SASH1: variants seen among roughly 807,000 people sequenced by gnomAD.
SASH1 encodes SAM and SH3 domain-containing protein 1.
Under a neutral mutation model 125.2 loss-of-function variants are expected in SASH1, and 44 were observed. The observed-to-expected ratio is 0.35, with a 90% CI of 0.28 to 0.45. The LOEUF (loss-of-function observed/expected upper bound fraction) is 0.45, where lower values mean the gene tolerates loss of function less well. Among genes scored for constraint, SASH1 ranks in the 20% least tolerant of loss-of-function variants. The pLI, the probability that SASH1 is intolerant of heterozygous loss-of-function variation, is 1.00. For synonymous variants in SASH1, 639 were observed against 649.1 expected, an observed-to-expected ratio of 0.98 and a Z score of 0.24; for missense variants, 1,426 against 1,614.5, an observed-to-expected ratio of 0.88 and a Z score of 2.00.
chr6:148,269,741 A>T (rs1449025930), upstream of SASH1, among the ~76,000 whole-genome samples: 1 of 152,198 alleles, frequency 6.6e-6, no homozygotes, highest in East Asian at 1.9e-4. Context: ...TATTCAGTAT[A>T]TGAATCTGAG....
At chr6:148,211,726 G>C in the SASH1 span, among the ~76,000 whole-genome samples, 2 of 152,306 alleles carry the variant, frequency 1.3e-5, no homozygotes, top group African/African-American at 4.8e-5. Context: ...TGAAGCCCCT[G>C]TGTGTCTCAT....
chr6:148,544,739 G>T lies in SASH1; in HGVS notation c.3269G>T (p.Gly1090Val), dbSNP rs1274917065. 6.2e-7 allele frequency: 1 copy of T among 1,608,280 alleles called. No individual in the cohort carries two copies. Among genetic ancestry groups the T allele is most frequent in the Non-Finnish European group, 8.5e-7 (1 of 1,177,158 alleles). Reference sequence around the variant, plus strand: ...ACCAGGAAGGTCTCCTGTGCCCGGGGAGTGGATCTAGAAACGCTCACTGAA... The same window carrying T: ...ACCAGGAAGGTCTCCTGTGCCCGGGTAGTGGATCTAGAAACGCTCACTGAA... Reference protein sequence around the residue: ...ALTRKVSCARGVDLETLTENK... With the variant: ...ALTRKVSCARVVDLETLTENK... The change falls in exon 18 of 20, where the codon GGA becomes GTA. Residue 1090 changes from glycine (G) to valine (V), a missense_variant. Physicochemically the swap from Gly to Val is moderately radical, Grantham distance 109. Around this residue, in one of 3 missense-constraint regions of SASH1, gnomAD observed 634 missense variants for 694.4 expected, o/e 0.91. Transcript: ENST00000367467. The surrounding 1 kb of genome is among the most constrained non-coding windows in gnomAD (Gnocchi z 6.4).
At chr6:148,402,221 T>G (rs1368583461) in intron 2 of SASH1, among the ~76,000 whole-genome samples, 1 of 152,212 alleles carries the variant, frequency 6.6e-6, no homozygotes, top group Non-Finnish European at 1.5e-5. Flanking sequence ...CCTTGCTACC[T>G]AAAGTACTGC....
At chr6:148,215,327 T>C in the SASH1 span, among the ~76,000 whole-genome samples, 1 of 152,344 alleles carries the variant, frequency 6.6e-6, no homozygotes, top group African/African-American at 2.4e-5. Context: ...CTTTCTTAGT[T>C]TGGCCAAAGT....
intron 13 of SASH1, 39 bp downstream of exon 13, chr6:148,531,700 G>C: frequency 1.4e-6 from 2 of 1,462,156 alleles, no homozygotes; most frequent in Non-Finnish European, 1.8e-6. Context: ...TTTCTTTGGA[G>C]TTAATATCTG....
chr6:148,328,396 C>T (rs530206104), intron 1 of SASH1, among the ~76,000 whole-genome samples: 13 of 152,076 alleles, frequency 8.5e-5, no homozygotes, highest in South Asian at 6.2e-4. Context: ...AGTTCGAGAC[C>T]GGCCTGGCTA....
intron 1 of SASH1, among the ~76,000 whole-genome samples, chr6:148,359,959 C>A (rs1288562190): frequency 1.3e-5 from 2 of 152,112 alleles, no homozygotes; most frequent in African/African-American, 2.4e-5. Flanking sequence ...GGGGTTTCAC[C>A]GTGTTAGCCA....
chr6:148,310,955 GT>G (rs908293455), intron 1 of SASH1, among the ~76,000 whole-genome samples: 70 of 151,834 alleles, frequency 4.6e-4, no homozygotes, highest in Non-Finnish European at 8.5e-4. Flanking sequence ...GTTTTGTTTT[GT>G]TTTTTTGAGC....
the SASH1 span, among the ~76,000 whole-genome samples, chr6:148,204,880 AC>A: frequency 1.3e-5 from 2 of 152,100 alleles, no homozygotes; most frequent in Non-Finnish European, 2.9e-5. Flanking sequence ...ATAATACCTT[AC>A]ATTTGCATGA....
At chr6:148,396,223 A>G (rs1783941779) in intron 2 of SASH1, among the ~76,000 whole-genome samples, 1 of 152,150 alleles carries the variant, frequency 6.6e-6, no homozygotes, top group Non-Finnish European at 1.5e-5. Context: ...TCACACCTGT[A>G]ATCCCAGCAC....
upstream of SASH1, among the ~76,000 whole-genome samples, chr6:148,267,399 G>GTGTGTGT (rs55909678): frequency 7.7e-5 from 11 of 142,074 alleles, no homozygotes; most frequent in South Asian, 6.8e-4. Context: ...GTGTGTGTGA[G>GTGTGTGT]ATGGAGTCTC....
chr6:148,255,453 T>C, the SASH1 span, among the ~76,000 whole-genome samples: 4 of 152,246 alleles, frequency 2.6e-5, no homozygotes, highest in East Asian at 3.9e-4. Context: ...TCTCCAAATA[T>C]AGTCATATGG....
At position 148,474,328 on chromosome 6, in the gene SASH1, A is replaced by C. The variant is rs1778248617; in HGVS notation, c.627+106A>C. ...ATAGGAATCAGGTACCCATGTTGTC[A>C]GATAAAATATTTATTCTGTTTACTT... is the stretch of plus-strand genomic sequence containing the variant. On this transcript the variant is annotated intron_variant, in intron 7 of 19. Coordinates refer to ENST00000367467, the MANE Select transcript of SASH1 (RefSeq NM_015278.5). 4.7e-6 allele frequency: 3 copies of C among 638,372 alleles called. No homozygotes were observed. In the Admixed American group the frequency reaches 8.4e-5, roughly 18 times the overall value. 39.5% of individuals were successfully genotyped at this position (638,372 alleles called of 1,614,324 possible).
At chr6:148,512,893 A>T in intron 8 of SASH1, 1 of 985,202 alleles carries the variant, frequency 1.0e-6, no homozygotes, top group Non-Finnish European at 1.2e-6. Context: ...TAAGTGGGTA[A>T]ACGGTTTGCT....
At chr6:148,412,008 A>T (rs1381908039) in intron 2 of SASH1, among the ~76,000 whole-genome samples, 1 of 152,184 alleles carries the variant, frequency 6.6e-6, no homozygotes, top group African/African-American at 2.4e-5. Flanking sequence ...CTCCGTTTTG[A>T]TATAATTTAT....
At chr6:148,447,949 C>A (rs952961833) in intron 4 of SASH1, among the ~76,000 whole-genome samples, 2 of 152,140 alleles carry the variant, frequency 1.3e-5, no homozygotes, top group African/African-American at 4.8e-5. Flanking sequence ...CCCCCCGCTG[C>A]CCACTCCCCG....
chr6:148,255,109 AG>A, the SASH1 span, among the ~76,000 whole-genome samples: 1 of 152,210 alleles, frequency 6.6e-6, no homozygotes, highest in African/African-American at 2.4e-5. Context: ...CCAGACACAA[AG>A]GGCCACATAT....
chr6:148,536,805 G>T (rs973559146), intron 16 of SASH1, among the ~76,000 whole-genome samples: 1 of 152,134 alleles, frequency 6.6e-6, no homozygotes, highest in African/African-American at 2.4e-5. Context: ...TGAGATTTTT[G>T]TACCAAGGAG....
chr6:148,337,878 C>G (rs183380264), upstream of SASH1, among the ~76,000 whole-genome samples: 1 of 152,140 alleles, frequency 6.6e-6, no homozygotes, highest in Non-Finnish European at 1.5e-5. Context: ...TTATGAGCCA[C>G]AGAATTGATT....
Sources: gnomAD v4.1 joint callset for allele counts (sites outside exome capture counted in the v4.1 genomes callset) on GRCh38, gnomAD v4.1.1 for gene constraint, gnomAD v4.1.1 regional missense constraint, Gnocchi (gnomAD v3.1) non-coding constraint, MANE v1.5 for transcripts, NCBI Gene and HGNC (gene_info 2026-07-23, HGNC 2026-07-21) for gene names.